PCDHGA10: variants seen among roughly 807,000 people sequenced by gnomAD.
The protein encoded by PCDHGA10 is protocadherin gamma subfamily A, 10.
PCDHGA10 carries 42 observed loss-of-function variants against 59.5 expected under a neutral mutation model. That is an observed-to-expected ratio of 0.71 (90% CI 0.55 to 0.91). The LOEUF is 0.91. PCDHGA10 is among the 40% of genes least tolerant of loss of function. The pLI is 0.00. For missense variants in PCDHGA10, 1,111 were observed against 1,198.2 expected, an observed-to-expected ratio of 0.93 and a Z score of 1.07; for synonymous variants, 511 against 517.2, an observed-to-expected ratio of 0.99 and a Z score of 0.16.
Position 141,485,210 on chromosome 5 carries a change from C to G in PCDHGA10, c.2437-9597C>G. 2 of 1,614,058 alleles carry G rather than the reference C, an allele frequency of 1.2e-6. No individual in the cohort carries two copies. The highest frequency in any genetic ancestry group is 1.7e-6 in the Non-Finnish European group (2 of 1,179,934). On this transcript the variant is annotated intron_variant, in intron 1 of 3. Transcript: ENST00000398610. The surrounding 1 kb of genome is among the most constrained non-coding windows in gnomAD (Gnocchi z 5.7). ...GGTGAGAAGCTGGACAGAAATCTGG[C>G]GGTGGGCTACCCTTTTGTTCCTCTT...
At chr5:141,418,479 C>G (rs375821205) in intron 1 of PCDHGA10, 3 of 1,614,010 alleles carry the variant, frequency 1.9e-6, no homozygotes, top group Non-Finnish European at 1.7e-6. Context: ...ACGCAGAGCG[C>G]TCACCACTTG....
intron 1 of PCDHGA10, chr5:141,422,940 C>T (rs769630623): frequency 2.0e-5 from 32 of 1,614,124 alleles, no homozygotes; most frequent in Admixed American, 5.0e-5. Flanking sequence ...TCCCCACAGA[C>T]GGCTCCACTG....
chr5:141,491,327 T>C lies in PCDHGA10; in HGVS notation c.2437-3480T>C, dbSNP rs1422115943. ...TCAGACCTTACCCTTTACCTCATTG[T>C]GGCTCTAGCGACCGTCAGTCTCTTA... is the stretch of plus-strand genomic sequence containing the variant. On this transcript the variant is annotated intron_variant, in intron 1 of 3. Coordinates refer to ENST00000398610, the MANE Select transcript of PCDHGA10 (RefSeq NM_018913.3). This position sits in a 1 kb window ranked among gnomAD's most constrained non-coding sequence, Gnocchi z 6.9. 5.6e-6 allele frequency: 9 copies of C among 1,614,098 alleles called. No homozygotes were observed. Among genetic ancestry groups the C allele is most frequent in the Admixed American group, 3.3e-5 (2 of 60,006 alleles).
In PCDHGA10 at chr5:141,432,265, G is replaced by A. The variant is rs756993242; in HGVS notation, c.2436+16654G>A. On this transcript the variant is annotated intron_variant, in intron 1 of 3. Transcript: ENST00000398610. The surrounding 1 kb of genome is among the most constrained non-coding windows in gnomAD (Gnocchi z 6.0). ...ACACCATCCAAGGGGCAAGCCTATCGTCCTACGTGTCCATCAACTCCGACA... is the reference window on the plus strand; with the variant it reads ...ACACCATCCAAGGGGCAAGCCTATCATCCTACGTGTCCATCAACTCCGACA... 2.5e-6 allele frequency: 4 copies of A among 1,614,092 alleles called. No individual in the cohort carries two copies. The highest frequency in any genetic ancestry group is 1.7e-5 in the Admixed American group (1 of 60,004).
intron 1 of PCDHGA10, among the ~76,000 whole-genome samples, chr5:141,475,520 C>T (rs2099364531): frequency 6.6e-6 from 1 of 152,204 alleles, no homozygotes; most frequent in Non-Finnish European, 1.5e-5. Context: ...CACGGAAATG[C>T]TAAATGCCTC....
In PCDHGA10 at chr5:141,432,017, A is replaced by G. The variant is rs372826902; in HGVS notation, c.2436+16406A>G. The stretch of plus-strand genomic sequence containing the variant: ...TAGGGAACAGGTTCCTAGCTACAAC[A>G]TCACAGTGACCGCCACTGACCGGGG... On this transcript the variant is annotated intron_variant, in intron 1 of 3. Coordinates refer to ENST00000398610, the MANE Select transcript of PCDHGA10 (RefSeq NM_018913.3). This position sits in a 1 kb window ranked among gnomAD's most constrained non-coding sequence, Gnocchi z 6.0. The G allele has an allele frequency of 6.2e-7, 1 of 1,614,224 alleles. No individual in the cohort carries two copies. Among genetic ancestry groups the G allele is most frequent in the Non-Finnish European group, 8.5e-7 (1 of 1,180,038 alleles).
chr5:141,488,502 C>T (rs989368385), intron 1 of PCDHGA10, among the ~76,000 whole-genome samples: 2 of 152,146 alleles, frequency 1.3e-5, no homozygotes, highest in Non-Finnish European at 2.9e-5. Context: ...ACACTCATTC[C>T]ACATTTGGGG....
intron 1 of PCDHGA10, among the ~76,000 whole-genome samples, chr5:141,450,812 T>A (rs2098694727): frequency 7.5e-6 from 1 of 133,924 alleles, no homozygotes; most frequent in Admixed American, 7.4e-5. Context: ...ATTTATTTAT[T>A]TAATATTATT....
chr5:141,436,099 T>C (rs1400528271), intron 1 of PCDHGA10, among the ~76,000 whole-genome samples: 1 of 152,128 alleles, frequency 6.6e-6, no homozygotes, highest in Non-Finnish European at 1.5e-5. Flanking sequence ...TTGAGAGAAA[T>C]AGAGGACAAT....
intron 1 of PCDHGA10, chr5:141,415,950 A>G (rs996935488): frequency 4.0e-6 from 2 of 498,646 alleles, no homozygotes; most frequent in Non-Finnish European, 6.1e-6. Flanking sequence ...GGGTGGTCAC[A>G]TATTGAAACT....
At chr5:141,480,910 T>C (rs985100480) in intron 1 of PCDHGA10, among the ~76,000 whole-genome samples, 5 of 152,106 alleles carry the variant, frequency 3.3e-5, no homozygotes, top group Non-Finnish European at 7.4e-5. Flanking sequence ...CTGGGCATGG[T>C]GGCGCATACC....
chr5:141,468,868 AAATAAT>A (rs993655754), intron 1 of PCDHGA10, among the ~76,000 whole-genome samples: 1 of 151,794 alleles, frequency 6.6e-6, no homozygotes, highest in Non-Finnish European at 1.5e-5. Context: ...TCCATCTCAA[AAATAAT>A]AATAATAATA....
In PCDHGA10 at chr5:141,511,098, T is replaced by G; in HGVS notation, c.2736T>G (p.Ala912=). 6.2e-7 allele frequency: 1 copy of G among 1,614,132 alleles called. No individual in the cohort carries two copies. The highest frequency in any genetic ancestry group is 8.5e-7 in the Non-Finnish European group (1 of 1,179,996). ...PGSNATLTNA[A]GKRDGKAPAG... is the part of the protein sequence containing the mutation. The stretch of plus-strand genomic sequence containing the variant: ...GCAATGCCACACTGACCAACGCAGC[T>G]GGCAAGCGGGATGGCAAGGCCCCAG... Residue 912 remains alanine, a synonymous_variant, in exon 4 of 4, where the codon GCT becomes GCG. Transcript: ENST00000398610.
At chr5:141,421,964 C>A (rs772274014) in intron 1 of PCDHGA10, 3 of 1,611,350 alleles carry the variant, frequency 1.9e-6, no homozygotes, top group Non-Finnish European at 2.5e-6. Flanking sequence ...TTTACACAGT[C>A]CGTATATCGC....
At chr5:141,488,438 C>T (rs2099675393) in intron 1 of PCDHGA10, among the ~76,000 whole-genome samples, 1 of 152,146 alleles carries the variant, frequency 6.6e-6, no homozygotes, top group African/African-American at 2.4e-5. Flanking sequence ...CTCTGACCAC[C>T]CTCCTGGGTG....
At chr5:141,478,165 C>G (rs780594020) in intron 1 of PCDHGA10, 13 of 1,613,920 alleles carry the variant, frequency 8.1e-6, no homozygotes, top group African/African-American at 1.3e-5. Flanking sequence ...GCTCTGCCCC[C>G]CGGGAGCAGA....
chr5:141,439,904 C>T (rs1175032042), intron 1 of PCDHGA10: 2 of 152,364 alleles, frequency 1.3e-5, no homozygotes, highest in East Asian at 1.9e-4. Context: ...GCGACTACTG[C>T]CTCCTTTCCT....
intron 1 of PCDHGA10, among the ~76,000 whole-genome samples, chr5:141,435,790 A>G (rs1336963117): frequency 2.0e-5 from 3 of 152,168 alleles, no homozygotes; most frequent in African/African-American, 7.2e-5. Flanking sequence ...GCAGGGAAAC[A>G]TAACGTCCCA....
chr5:141,457,798 C>T (rs1233396158), intron 1 of PCDHGA10, among the ~76,000 whole-genome samples: 5 of 152,194 alleles, frequency 3.3e-5, no homozygotes, highest in African/African-American at 9.6e-5. Context: ...GTTATCCTCT[C>T]CTCTTGAGGT....
Sources: allele counts gnomAD v4.1 joint callset (sites outside exome capture counted in the v4.1 genomes callset), GRCh38; gene constraint gnomAD v4.1.1; non-coding constraint Gnocchi (gnomAD v3.1); transcripts MANE v1.5; gene names NCBI Gene and HGNC (gene_info 2026-07-23, HGNC 2026-07-21).